The following NCAM2 variants were observed in gnomAD, a reference collection of about 807,000 sequenced individuals.
NCAM2 encodes N-CAM-2.
In NCAM2, 30 loss-of-function variants were observed where a neutral mutation model predicts 98.1. The ratio of observed to expected loss-of-function variants is 0.31; its 90% confidence interval spans 0.23 to 0.41. The LOEUF (loss-of-function observed/expected upper bound fraction) is 0.41, where lower values mean the gene tolerates loss of function less well. Ranked by LOEUF, NCAM2 falls within the 10% of genes least tolerant of loss-of-function variation. The pLI is 1.00. For missense variants in NCAM2, 867 were observed against 1,005.8 expected (o/e 0.86, Z 1.87); for synonymous variants, 368 against 342.4 (o/e 1.07, Z -0.83).
At chr21:21,267,079 T>A (rs930611480) in intron 1 of NCAM2, among the ~76,000 whole-genome samples, 2 of 152,136 alleles carry the variant, frequency 1.3e-5, no homozygotes, top group African/African-American at 4.8e-5. Flanking sequence ...AAATAACAAC[T>A]CACCAGGGGA....
chr21:21,087,352 G>T (rs1054354875), intron 1 of NCAM2, among the ~76,000 whole-genome samples: 2 of 152,074 alleles, frequency 1.3e-5, no homozygotes, highest in African/African-American at 2.4e-5. Context: ...CCGAGGAGAA[G>T]AAAAAGGTCT....
chr21:21,467,548 G>T (rs567310968), intron 13 of NCAM2, among the ~76,000 whole-genome samples: 1 of 151,152 alleles, frequency 6.6e-6, no homozygotes, highest in African/African-American at 2.4e-5. Context: ...TCCCAATGCT[G>T]GTGGTTAAGA....
intron 1 of NCAM2, among the ~76,000 whole-genome samples, chr21:21,015,522 C>A (rs1387415447): frequency 6.6e-6 from 1 of 152,156 alleles, no homozygotes; most frequent in East Asian, 1.9e-4. Context: ...AATGTATGGA[C>A]ATTTTTAGAC....
chr21:21,195,764 G>T (rs1447105206), intron 1 of NCAM2, among the ~76,000 whole-genome samples: 4 of 152,272 alleles, frequency 2.6e-5, no homozygotes, highest in Middle Eastern at 3.4e-3. Context: ...CATGATTGCT[G>T]TAGCTGTAAT....
At chr21:21,437,214 C>T (rs557801352) in intron 12 of NCAM2, among the ~76,000 whole-genome samples, 12 of 152,082 alleles carry the variant, frequency 7.9e-5, no homozygotes, top group Non-Finnish European at 1.3e-4. Context: ...CGGGAGTTGT[C>T]GTTGTTGTTG....
chr21:21,101,762 T>G (rs1229618700), intron 1 of NCAM2, among the ~76,000 whole-genome samples: 1 of 152,084 alleles, frequency 6.6e-6, no homozygotes, highest in Non-Finnish European at 1.5e-5. Context: ...AACAATTCCT[T>G]AAGACCTATA....
At chr21:21,144,507 G>A (rs2067232332) in intron 1 of NCAM2, among the ~76,000 whole-genome samples, 1 of 151,890 alleles carries the variant, frequency 6.6e-6, no homozygotes, top group Non-Finnish European at 1.5e-5. Flanking sequence ...CAGATACATG[G>A]AGAGACACAT....
chr21:21,036,081 G>A (rs936760708), intron 1 of NCAM2, among the ~76,000 whole-genome samples: 2 of 152,160 alleles, frequency 1.3e-5, no homozygotes, highest in African/African-American at 4.8e-5. Context: ...CCTCGATAGC[G>A]CTCCAAAGTT....
intron 9 of NCAM2, among the ~76,000 whole-genome samples, chr21:21,390,318 G>T (rs2076354676): frequency 6.6e-6 from 1 of 152,010 alleles, no homozygotes. Flanking sequence ...GTCTATATTA[G>T]ACAGCACTAA....
intron 1 of NCAM2, among the ~76,000 whole-genome samples, chr21:21,145,340 T>G (rs2067249734): frequency 6.6e-6 from 1 of 151,726 alleles, no homozygotes; most frequent in African/African-American, 2.4e-5. Context: ...TTCACCGTCT[T>G]GAGCATTACT....
chr21:21,016,747 A>T (rs899682126), intron 1 of NCAM2, among the ~76,000 whole-genome samples: 32 of 152,214 alleles, frequency 2.1e-4, no homozygotes, highest in Admixed American at 5.2e-4. Flanking sequence ...ATTATTATTT[A>T]AAAAGGTTTT....
intron 1 of NCAM2, among the ~76,000 whole-genome samples, chr21:21,075,793 A>C (rs1231452874): frequency 6.6e-6 from 1 of 152,184 alleles, no homozygotes; most frequent in Non-Finnish European, 1.5e-5. Context: ...AAAATAAATA[A>C]AAATCTTCAT....
At chr21:21,109,977 A>G (rs2146522500) in intron 1 of NCAM2, among the ~76,000 whole-genome samples, 1 of 152,340 alleles carries the variant, frequency 6.6e-6, no homozygotes, top group Non-Finnish European at 1.5e-5. Context: ...CGAGTATGTA[A>G]TGTGTTTTGT....
At chr21:21,259,957 C>T (rs1288878759) in intron 1 of NCAM2, among the ~76,000 whole-genome samples, 1 of 83,854 alleles carries the variant, frequency 1.2e-5, no homozygotes, top group East Asian at 3.8e-4. Context: ...CACACACACA[C>T]ACACACACAA....
intron 8 of NCAM2, among the ~76,000 whole-genome samples, chr21:21,363,859 C>T (rs2075716399): frequency 6.6e-6 from 1 of 152,060 alleles, no homozygotes; most frequent in Non-Finnish European, 1.5e-5. Context: ...ATTTTATCAA[C>T]ATTTCCAACT....
At chr21:21,234,226 G>A (rs1378623153) in intron 1 of NCAM2, among the ~76,000 whole-genome samples, 4 of 151,638 alleles carry the variant, frequency 2.6e-5, no homozygotes, top group Non-Finnish European at 4.4e-5. Flanking sequence ...ACCTTGCCCT[G>A]GAAGTACTCT....
chr21:21,351,828 C>T (rs1406462791), intron 8 of NCAM2, among the ~76,000 whole-genome samples: 1 of 152,112 alleles, frequency 6.6e-6, no homozygotes. Context: ...CTCACTGGAA[C>T]CTCTCCCTAC....
intron 12 of NCAM2, among the ~76,000 whole-genome samples, chr21:21,463,464 T>C (rs571376268): frequency 6.6e-6 from 1 of 152,270 alleles, no homozygotes. Context: ...AGTAGGTTTA[T>C]TTTATACCTC....
intron 1 of NCAM2, among the ~76,000 whole-genome samples, chr21:21,236,785 T>TGTGTGC (rs1555836398): frequency 1.5e-4 from 21 of 143,408 alleles, no homozygotes; most frequent in African/African-American, 5.1e-4. Context: ...TGTGTGTGTG[T>TGTGTGC]GCATGCACAC....
Sources: allele counts gnomAD v4.1 joint callset (sites outside exome capture counted in the v4.1 genomes callset), GRCh38; gene constraint gnomAD v4.1.1; transcripts MANE v1.5; gene names NCBI Gene and HGNC (gene_info 2026-07-23, HGNC 2026-07-21).